TENM3: variants seen among roughly 807,000 people sequenced by gnomAD.
TENM3 encodes teneurin-3.
Under a neutral mutation model 255.1 loss-of-function variants are expected in TENM3, and 63 were observed. That is an observed-to-expected ratio of 0.25 (90% CI 0.20 to 0.30). The LOEUF (loss-of-function observed/expected upper bound fraction) is 0.30, where lower values mean the gene tolerates loss of function less well. Ranked by LOEUF, TENM3 falls within the 10% of genes least tolerant of loss-of-function variation. The probability of loss-of-function intolerance (pLI) is 1.00; values close to 1 mark genes in which losing one functional copy is unlikely to be tolerated. For missense variants in TENM3, 2,929 were observed against 3,461.1 expected, an observed-to-expected ratio of 0.85 and a Z score of 3.86; for synonymous variants, 1,306 against 1,322.3, an observed-to-expected ratio of 0.99 and a Z score of 0.27.
At chr4:182,094,539 C>T in the TENM3 span, among the ~76,000 whole-genome samples, 419 of 152,302 alleles carry the variant, frequency 2.8e-3, 2 homozygotes, top group Non-Finnish European at 4.6e-3. Flanking sequence ...AGCCACGGCA[C>T]GCAGCCAGCC....
chr4:182,100,630 T>TATATATACACACAC, the TENM3 span, among the ~76,000 whole-genome samples: 38 of 47,148 alleles, frequency 8.1e-4, no homozygotes, highest in Non-Finnish European at 1.4e-3. Flanking sequence ...TACACACACA[T>TATATATACACACAC]ATATACACAT....
chr4:181,852,777 G>A, the TENM3 span, among the ~76,000 whole-genome samples: 1 of 152,154 alleles, frequency 6.6e-6, no homozygotes, highest in Non-Finnish European at 1.5e-5. Context: ...ACAATATGAA[G>A]TTGCTATTAT....
the TENM3 span, among the ~76,000 whole-genome samples, chr4:181,518,081 C>A: frequency 2.0e-5 from 3 of 152,278 alleles, no homozygotes; most frequent in African/African-American, 7.2e-5. Context: ...GTGGCAATCC[C>A]TGTCTTTAGG....
intron 3 of TENM3, among the ~76,000 whole-genome samples, chr4:182,447,935 G>C (rs530371260): frequency 6.6e-6 from 1 of 152,174 alleles, no homozygotes; most frequent in African/African-American, 2.4e-5. Flanking sequence ...AATGATAATA[G>C]TGGATCTGGA....
the TENM3 span, among the ~76,000 whole-genome samples, chr4:181,843,892 G>C: frequency 6.6e-6 from 1 of 151,852 alleles, no homozygotes; most frequent in East Asian, 1.9e-4. Context: ...GCTAATTTTC[G>C]TATTTTTAGT....
chr4:181,813,303 A>G, the TENM3 span, among the ~76,000 whole-genome samples: 1 of 152,080 alleles, frequency 6.6e-6, no homozygotes, highest in Non-Finnish European at 1.5e-5. Flanking sequence ...TCAAACACAA[A>G]CTGTTCAGGA....
At chr4:181,510,293 C>T in the TENM3 span, among the ~76,000 whole-genome samples, 1 of 152,054 alleles carries the variant, frequency 6.6e-6, no homozygotes, top group African/African-American at 2.4e-5. Flanking sequence ...AGTCAGAAAA[C>T]TGACCATTCG....
the TENM3 span, among the ~76,000 whole-genome samples, chr4:181,534,749 C>T: frequency 6.6e-6 from 1 of 152,152 alleles, no homozygotes; most frequent in South Asian, 2.1e-4. Flanking sequence ...CCCCCTCCAC[C>T]CGCCGTTCAC....
intron 3 of TENM3, among the ~76,000 whole-genome samples, chr4:182,563,700 T>A (rs1470455578): frequency 6.6e-6 from 1 of 152,218 alleles, no homozygotes; most frequent in Admixed American, 6.5e-5. Flanking sequence ...ATTAAAAGTA[T>A]CTTTTGATCT....
At chr4:181,847,617 A>G in the TENM3 span, among the ~76,000 whole-genome samples, 95 of 152,152 alleles carry the variant, frequency 6.2e-4, no homozygotes, top group African/African-American at 2.1e-3. Flanking sequence ...AAACATCTAT[A>G]AAATACATAT....
At chr4:181,578,071 A>G in the TENM3 span, among the ~76,000 whole-genome samples, 1 of 151,952 alleles carries the variant, frequency 6.6e-6, no homozygotes, top group African/African-American at 2.4e-5. Flanking sequence ...GTGGCCAGGG[A>G]CCCTCCAGCT....
intron 1 of TENM3, among the ~76,000 whole-genome samples, chr4:182,288,258 A>G (rs1263053262): frequency 1.3e-5 from 2 of 151,918 alleles, no homozygotes; most frequent in Non-Finnish European, 2.9e-5. Context: ...TTTAATAGAG[A>G]CAGGGTCTCT....
chr4:182,001,357 C>T, the TENM3 span, among the ~76,000 whole-genome samples: 25 of 152,188 alleles, frequency 1.6e-4, no homozygotes, highest in Non-Finnish European at 2.9e-4. Context: ...GAAGTGGTCT[C>T]TGTTCCTTGC....
rs553982505 is a variant in TENM3 at position 182,153,110 on chromosome 4, A to G, written c.-76+8356A>G. Among the ~76,000 whole-genome samples the G allele has an allele frequency of 1.2e-4, 18 of 152,130 alleles. No individual in the cohort carries two copies. In the South Asian group the frequency reaches 3.1e-3, roughly 26 times the overall value. ...ATACTGGTAATATGATTTAGAACCCATAAATAAAGAATTAAAAAATATTAG... is the reference window on the plus strand; with the variant it reads ...ATACTGGTAATATGATTTAGAACCCGTAAATAAAGAATTAAAAAATATTAG... On this transcript the variant is annotated intron_variant, in intron 1 of 2. Transcript: ENST00000512480.
the TENM3 span, among the ~76,000 whole-genome samples, chr4:181,963,998 G>A: frequency 6.6e-6 from 1 of 151,836 alleles, no homozygotes; most frequent in East Asian, 1.9e-4. Flanking sequence ...ATCCAAGAAA[G>A]CTGGAGAAAA....
At chr4:182,761,627 C>T (rs1008131296) in intron 22 of TENM3, among the ~76,000 whole-genome samples, 1 of 152,128 alleles carries the variant, frequency 6.6e-6, no homozygotes, top group African/African-American at 2.4e-5. Context: ...TATACACACA[C>T]ACATATATAT....
intron 3 of TENM3, among the ~76,000 whole-genome samples, chr4:182,469,533 G>A (rs1231206583): frequency 6.6e-6 from 1 of 152,024 alleles, no homozygotes; most frequent in Non-Finnish European, 1.5e-5. Flanking sequence ...TGGCCAACAT[G>A]GCGAAACCCT....
intron 24 of TENM3, among the ~76,000 whole-genome samples, chr4:182,780,182 G>A (rs1765055303): frequency 6.6e-6 from 1 of 152,018 alleles, no homozygotes; most frequent in African/African-American, 2.4e-5. Flanking sequence ...GGCTTTTATG[G>A]TTTTAGGTCT....
chr4:182,562,111 T>C (rs527792082), intron 3 of TENM3, among the ~76,000 whole-genome samples: 15 of 152,234 alleles, frequency 9.9e-5, no homozygotes, highest in Admixed American at 3.3e-4. Flanking sequence ...AATATAAAGA[T>C]AGATTGCATT....
Sources: allele counts gnomAD v4.1 joint callset (sites outside exome capture counted in the v4.1 genomes callset), GRCh38; gene constraint gnomAD v4.1.1; transcripts MANE v1.5; gene names NCBI Gene and HGNC (gene_info 2026-07-23, HGNC 2026-07-21).